EXTL1: variants seen among roughly 807,000 people sequenced by gnomAD.
The protein encoded by EXTL1 is exostosin-like 1.
Under a neutral mutation model 64.6 loss-of-function variants are expected in EXTL1, and 43 were observed. The ratio of observed to expected loss-of-function variants is 0.67; its 90% confidence interval spans 0.52 to 0.86. The LOEUF (loss-of-function observed/expected upper bound fraction) is 0.86, where lower values mean the gene tolerates loss of function less well. Ranked by LOEUF, EXTL1 falls within the 40% of genes least tolerant of loss-of-function variation. The pLI, the probability that EXTL1 is intolerant of heterozygous loss-of-function variation, is 0.00. For missense variants in EXTL1, 766 were observed against 879.0 expected (o/e 0.87, Z 1.62); for synonymous variants, 352 against 360.5 (o/e 0.98, Z 0.27).
In EXTL1 at chr1:26,030,444, T is replaced by C. The variant is rs1377731506; in HGVS notation, c.982-32T>C. The C allele has an allele frequency of 1.9e-6, 3 of 1,595,716 alleles. No individual in the cohort carries two copies. The African/African-American group carries it at 4.0e-5, about 21-fold the overall frequency. On this transcript the variant is annotated intron_variant, in intron 3 of 10. Transcript: ENST00000374280. ...ACCTCCTGGGCTCAAAATTGCTCTATTACCTGGCACTTTTCTCCCTCTCTG... is the reference window on the plus strand; with the variant it reads ...ACCTCCTGGGCTCAAAATTGCTCTACTACCTGGCACTTTTCTCCCTCTCTG...
intron 6 of EXTL1, chr1:26,032,038 A>C (rs1010676745): frequency 8.7e-5 from 21 of 241,856 alleles, no homozygotes; most frequent in African/African-American, 4.3e-4. Flanking sequence ...CAAACAGGCC[A>C]TTGAGCTGGG....
chr1:26,023,305 C>T lies in EXTL1; in HGVS notation c.659C>T (p.Pro220Leu), dbSNP rs751381492. ...CCTGGCCAGCTGCGGCAACACAGCCCCCAGCCCGGGGTAGCCCTGCTAGCC... is the reference window on the plus strand; with the variant it reads ...CCTGGCCAGCTGCGGCAACACAGCCTCCAGCCCGGGGTAGCCCTGCTAGCC... ...GAPGQLRQHS[P>L]QPGVALLALE... The change falls in exon 1 of 11, where the codon CCC becomes CTC. Residue 220 changes from proline (P) to leucine (L), a missense_variant. Transcript: ENST00000374280. The T allele has an allele frequency of 2.2e-5, 35 of 1,563,128 alleles. No individual in the cohort carries two copies. Among genetic ancestry groups the T allele is most frequent in the Non-Finnish European group, 2.9e-5 (33 of 1,151,194 alleles).
Position 26,035,448 on chromosome 1 carries a change from C to CA in EXTL1, c.*102dup. 8.8e-7 allele frequency: 1 copy of CA among 1,132,490 alleles called. No individual in the cohort carries two copies. The highest frequency in any genetic ancestry group is 1.7e-5 in the South Asian group (1 of 58,846). The allele number at this position is 1,132,490 out of a possible 1,614,324, so 70.2% of individuals were successfully genotyped here. On this transcript the variant is annotated 3_prime_UTR_variant, in exon 11 of 11. Coordinates refer to ENST00000374280, the MANE Select transcript of EXTL1 (RefSeq NM_004455.3). The surrounding 1 kb of genome is among the most constrained non-coding windows in gnomAD (Gnocchi z 5.3). Reference sequence around the variant, plus strand: ...GCTCTTGGGACACCGGAGAACCTATCATGTCAGCCAGCGGGCCCACACGTC... The same window carrying CA: ...GCTCTTGGGACACCGGAGAACCTATCAATGTCAGCCAGCGGGCCCACACGTC...
At position 26,031,606 on chromosome 1, in the gene EXTL1, G is replaced by T; in HGVS notation, c.1341+40G>T. ...CAGCTGGAGTCCTGGGATCCAGGGT[G>T]GGGGTAAGGGACAGGGCAGGGCCCT... On this transcript the variant is annotated intron_variant, in intron 6 of 10. Transcript: ENST00000374280. 5 of 1,301,032 alleles carry T rather than the reference G, an allele frequency of 3.8e-6. 1 individual carries two copies. In the East Asian group the frequency reaches 1.0e-4, roughly 26 times the overall value. The allele number at this position is 1,301,032 out of a possible 1,614,324, so 80.6% of individuals were successfully genotyped here.
intron 1 of EXTL1, among the ~76,000 whole-genome samples, chr1:26,024,745 C>T (rs568062517): frequency 2.4e-4 from 36 of 152,344 alleles, no homozygotes; most frequent in East Asian, 1.4e-3. Flanking sequence ...CGACAAGGCT[C>T]TCCCTTTGCC....
rs564937297 is a variant in EXTL1 at position 26,022,752 on chromosome 1, C to T, written c.106C>T (p.Pro36Ser). ...CTCCCTTCTCCGCCTGGCATTGCCT[C>T]CCAGACCTCGGCCCGGGGCTTCCCA... ...GFSLLRLALP[P>S]RPRPGASQGW... Residue 36 changes from proline to serine, a missense_variant, in exon 1 of 11, where the codon CCC becomes TCC. Coordinates refer to ENST00000374280, the MANE Select transcript of EXTL1 (RefSeq NM_004455.3). The T allele has an allele frequency of 8.7e-6, 14 of 1,613,984 alleles. No homozygotes were observed. The East Asian group carries it at 3.1e-4, about 36-fold the overall frequency.
In EXTL1 at chr1:26,025,172, G is replaced by A. The variant is rs1168783447; in HGVS notation, c.779+1747G>A. 1.3e-5 allele frequency among the ~76,000 whole-genome samples: 2 copies of A among 152,184 alleles called. No individual in the cohort carries two copies. The highest frequency in any genetic ancestry group is 2.9e-5 in the Non-Finnish European group (2 of 68,024). ...AGTTTCTCCGAAGTGCCGGGCAGCT[G>A]CCTGGGCCAGACAGCCTAGGGACAG... On this transcript the variant is annotated intron_variant, in intron 1 of 10. Transcript: ENST00000374280. This position sits in a 1 kb window ranked among gnomAD's most constrained non-coding sequence, Gnocchi z 5.3.
chr1:26,032,261 T>TA (rs5773143), intron 6 of EXTL1, 135 bp from the exon 7 acceptor site: 556,917 of 628,956 alleles, frequency 0.89, 247,332 homozygotes, highest in East Asian at 0.94. Context: ...TGGATCCAAC[T>TA]AACCCTTCTC....
Position 26,022,933 on chromosome 1 carries a change from T to G in EXTL1, c.287T>G (p.Leu96Arg). ...FDTSKCRGDG[L>R]KVFVYPAVGT... ...ACCTCAAAGTGCAGGGGCGATGGCCTTAAGGTATTCGTGTACCCAGCGGTT... is the reference window on the plus strand; with the variant it reads ...ACCTCAAAGTGCAGGGGCGATGGCCGTAAGGTATTCGTGTACCCAGCGGTT... Residue 96 changes from leucine to arginine, a missense_variant, in exon 1 of 11, where the codon CTT (leucine) becomes CGT (arginine). By Grantham distance (102) the Leu-to-Arg change is moderately radical (BLOSUM62 -2). Transcript: ENST00000374280. The G allele has an allele frequency of 6.2e-7, 1 of 1,614,162 alleles. No homozygotes were observed. The highest frequency in any genetic ancestry group is 8.5e-7 in the Non-Finnish European group (1 of 1,180,022).
At position 26,035,027 on chromosome 1, in the gene EXTL1, C is replaced by T. The variant is rs771376066; in HGVS notation, c.1848+23C>T. On this transcript the variant is annotated intron_variant, in intron 10 of 10. Transcript: ENST00000374280. The surrounding 1 kb of genome is among the most constrained non-coding windows in gnomAD (Gnocchi z 5.3). The stretch of plus-strand genomic sequence containing the variant: ...CTGGTGAGGGCTGAGGGGGATTGGT[C>T]GGAACTGGCAGGGATTGGGCGGGGA... The T allele has an allele frequency of 1.2e-5, 19 of 1,612,738 alleles. No homozygotes were observed. The Admixed American group carries it at 2.3e-4, about 20-fold the overall frequency.
intron 1 of EXTL1, among the ~76,000 whole-genome samples, chr1:26,026,108 G>A (rs2050212317): frequency 6.6e-6 from 1 of 151,708 alleles, no homozygotes; most frequent in South Asian, 2.1e-4. Flanking sequence ...GTGTGGTGGT[G>A]CAAGCCTGTA....
chr1:26,034,857 C>A lies in EXTL1; in HGVS notation c.1701C>A (p.Thr567=). ...CCAGGTATTACCACACTCTCTTCAC[C>A]CACTCCCTGCCCAAGGCTCTGAGGA... ...FYHRYYHTLF[T]HSLPKALRTL... Residue 567 remains threonine (T), a synonymous_variant, in exon 10 of 11, where the codon ACC becomes ACA. Transcript: ENST00000374280. The surrounding 1 kb of genome is among the most constrained non-coding windows in gnomAD (Gnocchi z 4.6). The A allele has an allele frequency of 1.9e-6, 3 of 1,614,050 alleles. No homozygotes were observed. The highest frequency in any genetic ancestry group is 2.5e-6 in the Non-Finnish European group (3 of 1,179,946).
Position 26,034,824 on chromosome 1 carries a change from C to T in EXTL1, c.1680-12C>T. ...TGGCTGCAGCCTCTCCCTGTCTTTTCCTCTTGCCCAGGTATTACCACACTC... is the reference window on the plus strand; with the variant it reads ...TGGCTGCAGCCTCTCCCTGTCTTTTTCTCTTGCCCAGGTATTACCACACTC... On this transcript the variant is annotated splice_polypyrimidine_tract_variant and intron_variant, in intron 9 of 10. Coordinates refer to ENST00000374280, the MANE Select transcript of EXTL1 (RefSeq NM_004455.3). The surrounding 1 kb of genome is among the most constrained non-coding windows in gnomAD (Gnocchi z 4.6). The T allele has an allele frequency of 6.2e-7, 1 of 1,610,126 alleles. No homozygotes were observed. Among genetic ancestry groups the T allele is most frequent in the South Asian group, 1.1e-5 (1 of 90,868 alleles).
chr1:26,031,187 G>GC lies in EXTL1; in HGVS notation c.1163dup (p.Gly389ArgfsTer28), dbSNP rs769641599. ...GCTCACCCCTCACTGCTGTGGAACA[G>GC]CCCCCCAGGGGCACTCCTGGCCCTG... On this transcript the variant is annotated frameshift_variant, in exon 5 of 11. Coordinates refer to ENST00000374280, the MANE Select transcript of EXTL1 (RefSeq NM_004455.3). LOFTEE classifies it high-confidence loss of function. 3 of 1,613,858 alleles carry GC rather than the reference G, an allele frequency of 1.9e-6. No individual in the cohort carries two copies. The African/African-American group carries it at 4.0e-5, about 22-fold the overall frequency.
chr1:26,030,347 TTTTG>T, intron 3 of EXTL1, 125 bp from the exon 4 acceptor site: 5 of 652,468 alleles, frequency 7.7e-6, no homozygotes, highest in South Asian at 4.8e-5. Context: ...TTTTTTTTTT[TTTTG>T]AGATAGGATC....
chr1:26,031,088 G>A (rs756330512), intron 4 of EXTL1, 44 bp from the exon 5 acceptor site: 1 of 1,613,122 alleles, frequency 6.2e-7, no homozygotes, highest in Non-Finnish European at 8.5e-7. Flanking sequence ...TGTGGCCATG[G>A]TCACACAGGC....
In EXTL1 at chr1:26,035,068, C is replaced by T; in HGVS notation, c.1848+64C>T. On this transcript the variant is annotated intron_variant, in intron 10 of 10. Coordinates refer to ENST00000374280, the MANE Select transcript of EXTL1 (RefSeq NM_004455.3). The surrounding 1 kb of genome is among the most constrained non-coding windows in gnomAD (Gnocchi z 5.3). ...TGGGCGGGGATGCCGGAGAGGATTC[C>T]CTCTCACTGTCTAATTCCAGTCTTT... 4 of 1,602,618 alleles carry T rather than the reference C, an allele frequency of 2.5e-6. No homozygotes were observed. In the South Asian group the frequency reaches 3.3e-5, roughly 13 times the overall value.
rs1049944447 is a variant in EXTL1, at chr1:26,033,138, C to T, written c.1432-91C>T. On this transcript the variant is annotated intron_variant, in intron 7 of 10. Coordinates refer to ENST00000374280, the MANE Select transcript of EXTL1 (RefSeq NM_004455.3). This position sits in a 1 kb window ranked among gnomAD's most constrained non-coding sequence, Gnocchi z 5.1. The stretch of plus-strand genomic sequence containing the variant: ...AGGGAGGCTTTATTCATGGCTCAGG[C>T]GTCTACACTGTGCCTGAATGGCTCC... 3.8e-5 allele frequency: 34 copies of T among 895,032 alleles called. No individual in the cohort carries two copies. Among genetic ancestry groups the T allele is most frequent in the Admixed American group, 2.5e-4 (14 of 55,578 alleles). The allele number at this position is 895,032 out of a possible 1,614,324, so 55.4% of individuals were successfully genotyped here. A position where few individuals can be genotyped will look rare whatever the true frequency, so the allele number is the denominator to read the frequency against.
Position 26,025,373 on chromosome 1 carries a change from C to T in EXTL1, c.779+1948C>T, listed in dbSNP as rs1022553892. ...GCCAGGCACTTTACTTAAGTCACTGCTGATCCTGTCATGCACCCTTCAAGG... is the reference window on the plus strand; with the variant it reads ...GCCAGGCACTTTACTTAAGTCACTGTTGATCCTGTCATGCACCCTTCAAGG... On this transcript the variant is annotated intron_variant, in intron 1 of 10. Transcript: ENST00000374280. The surrounding 1 kb of genome is among the most constrained non-coding windows in gnomAD (Gnocchi z 5.3). Among the ~76,000 whole-genome samples the T allele has an allele frequency of 1.3e-5, 2 of 152,212 alleles. No homozygotes were observed. The highest frequency in any genetic ancestry group is 2.9e-5 in the Non-Finnish European group (2 of 68,044).
Sources: gnomAD v4.1 joint callset for allele counts (sites outside exome capture counted in the v4.1 genomes callset) on GRCh38, gnomAD v4.1.1 for gene constraint, Gnocchi (gnomAD v3.1) non-coding constraint, MANE v1.5 for transcripts, NCBI Gene and HGNC (gene_info 2026-07-23, HGNC 2026-07-21) for gene names.